Variants in STK25 observed in about 807,000 individuals in gnomAD.
STK25 encodes serine/threonine-protein kinase 25.
Under a neutral mutation model 53.8 loss-of-function variants are expected in STK25, and 29 were observed. The observed-to-expected ratio is 0.54, with a 90% CI of 0.40 to 0.74. The LOEUF (loss-of-function observed/expected upper bound fraction) is 0.74, where lower values mean the gene tolerates loss of function less well. Ranked by LOEUF, STK25 falls within the 30% of genes least tolerant of loss-of-function variation. The probability of loss-of-function intolerance (pLI) is 0.00; values close to 1 mark genes in which losing one functional copy is unlikely to be tolerated. For synonymous variants in STK25, 247 were observed against 238.3 expected, an observed-to-expected ratio of 1.04 and a Z score of -0.33; for missense variants, 420 against 568.0, an observed-to-expected ratio of 0.74 and a Z score of 2.65.
intron 2 of STK25, among the ~76,000 whole-genome samples, chr2:241,506,467 T>C (rs1228917016): frequency 6.6e-6 from 1 of 152,130 alleles, no homozygotes; most frequent in African/African-American, 2.4e-5. Context: ...ATTTCTGCAG[T>C]TCTTAAAAAT....
Position 241,492,979 on chromosome 2 carries a change from G to A in STK25, c.*2683C>T, listed in dbSNP as rs750059266. 1.2e-6 allele frequency: 2 copies of A among 1,613,282 alleles called. No individual in the cohort carries two copies. The highest frequency in any genetic ancestry group is 1.7e-6 in the Non-Finnish European group (2 of 1,179,248). On this transcript the variant is annotated 3_prime_UTR_variant, in exon 12 of 12. Transcript: ENST00000316586. ...GAAAGTTCAAAAACAGTCATGGCTG[G>A]CAGAAGCTCTGGGTCGTCTTTACCA...
At position 241,500,162 on chromosome 2, in the gene STK25, C is replaced by A. The variant is rs753362413; in HGVS notation, c.427+11G>T. 1 of 1,610,704 alleles carries A rather than the reference C, an allele frequency of 6.2e-7. No individual in the cohort carries two copies. Among genetic ancestry groups the A allele is most frequent in the East Asian group, 2.2e-5 (1 of 44,854 alleles). On this transcript the variant is annotated intron_variant, in intron 5 of 11. Transcript: ENST00000316586. ...GGACGTTACAAGAGCCACATCCACC[C>A]CCAGCAGGACCTTTGATGTCTCGGT...
At chr2:241,505,116 G>A (rs933964087) in intron 2 of STK25, among the ~76,000 whole-genome samples, 22 of 151,488 alleles carry the variant, frequency 1.5e-4, no homozygotes, top group African/African-American at 5.3e-4. Flanking sequence ...GTAGAGACAG[G>A]GTTTCACCAT....
intron 5 of STK25, 183 bp downstream of exon 5, chr2:241,499,990 C>T (rs771283610): frequency 2.7e-5 from 19 of 691,954 alleles, no homozygotes; most frequent in African/African-American, 7.0e-5. Flanking sequence ...ACAAGGAAAC[C>T]GTTACAAGTA....
chr2:241,508,523 C>T lies in STK25; in HGVS notation c.-181G>A, dbSNP rs979726418. On this transcript the variant is annotated 5_prime_UTR_variant, in exon 1 of 12. Coordinates refer to ENST00000316586, the MANE Select transcript of STK25 (RefSeq NM_001271977.2). ...CTCCCACCCGCAGCCTCTGTTCGCCCGGGGACCCCGGGCCTCCCAGCCCGC... is the reference window on the plus strand; with the variant it reads ...CTCCCACCCGCAGCCTCTGTTCGCCTGGGGACCCCGGGCCTCCCAGCCCGC... 9.9e-7 allele frequency: 1 copy of T among 1,007,972 alleles called. No individual in the cohort carries two copies. Among genetic ancestry groups the T allele is most frequent in the African/African-American group, 1.7e-5 (1 of 57,470 alleles). The allele number at this position is 1,007,972 out of a possible 1,614,324, so 62.4% of individuals were successfully genotyped here. A position where few individuals can be genotyped will look rare whatever the true frequency, so the allele number is the denominator to read the frequency against.
chr2:241,503,865 CT>C (rs1452400824), intron 2 of STK25, among the ~76,000 whole-genome samples: 4 of 152,110 alleles, frequency 2.6e-5, no homozygotes, highest in African/African-American at 9.7e-5. Flanking sequence ...CACTCACCCC[CT>C]GGACACCTGT....
At chr2:241,507,877 T>G in intron 2 of STK25, 129 bp downstream of exon 2, 3 of 967,584 alleles carry the variant, frequency 3.1e-6, no homozygotes, top group Middle Eastern at 2.6e-4. Flanking sequence ...GCTCCGCTGG[T>G]CGCACGACGC....
rs2124937632 is a variant in STK25, at chr2:241,495,541, G to A, written c.*121C>T. On this transcript the variant is annotated 3_prime_UTR_variant, in exon 12 of 12. Transcript: ENST00000316586. ...GTGACCTGGCATGTGAGGCCCACGG[G>A]ATCCGACGTGTCCCTGCAGGCACGA... 9.3e-7 allele frequency: 1 copy of A among 1,072,150 alleles called. No individual in the cohort carries two copies. 66.4% of individuals were successfully genotyped at this position (1,072,150 alleles called of 1,614,324 possible). A position where few individuals can be genotyped will look rare whatever the true frequency, so the allele number is the denominator to read the frequency against.
intron 5 of STK25, 114 bp from the exon 6 acceptor site, chr2:241,499,528 G>T: frequency 7.3e-7 from 1 of 1,372,714 alleles, no homozygotes; most frequent in Non-Finnish European, 9.8e-7. Context: ...CAGCAGGGCT[G>T]TCCTCAGGAC....
chr2:241,502,753 A>AT (rs957672504), intron 2 of STK25, among the ~76,000 whole-genome samples: 3 of 151,944 alleles, frequency 2.0e-5, no homozygotes, highest in African/African-American at 7.3e-5. Context: ...AAAATAAAAA[A>AT]TTTAAAAAAA....
intron 9 of STK25, 38 bp from the exon 10 acceptor site, chr2:241,497,725 G>A: frequency 1.3e-6 from 2 of 1,597,820 alleles, no homozygotes; most frequent in Non-Finnish European, 1.7e-6. Flanking sequence ...GCAGGGCAGT[G>A]CAGGTGACAG....
chr2:241,498,591 C>A, intron 8 of STK25, 48 bp downstream of exon 8: 1 of 1,576,660 alleles, frequency 6.3e-7, no homozygotes, highest in Non-Finnish European at 8.6e-7. Flanking sequence ...TGGGGACCAC[C>A]CACGTCACAG....
chr2:241,493,612 G>A lies in STK25; in HGVS notation c.*2050C>T. 1 of 536,882 alleles carries A rather than the reference G, an allele frequency of 1.9e-6. No homozygotes were observed. Among genetic ancestry groups the A allele is most frequent in the Non-Finnish European group, 3.2e-6 (1 of 307,876 alleles). The allele number at this position is 536,882 out of a possible 1,614,324, so 33.3% of individuals were successfully genotyped here. ...GCAATGCTTTGTTTTTTTTTTTTTT[G>A]GAGATGGCGTCTCCCTCTGTCACTC... On this transcript the variant is annotated 3_prime_UTR_variant, in exon 12 of 12. Transcript: ENST00000316586.
rs1431781368 is a variant in STK25 at position 241,494,315 on chromosome 2, A to G, written c.*1347T>C. 2.5e-6 allele frequency: 1 copy of G among 397,930 alleles called. No homozygotes were observed. The highest frequency in any genetic ancestry group is 2.1e-5 in the African/African-American group (1 of 48,142). The allele number at this position is 397,930 out of a possible 1,614,324, so 24.6% of individuals were successfully genotyped here. On this transcript the variant is annotated 3_prime_UTR_variant, in exon 12 of 12. Transcript: ENST00000316586. The surrounding 1 kb of genome is among the most constrained non-coding windows in gnomAD (Gnocchi z 4.9). ...CATCCCCCCACCCAGGACCTAGTGC[A>G]TGCCAGCAGCTATCTGGGGCCCTGG...
intron 9 of STK25, among the ~76,000 whole-genome samples, 159 bp from the exon 10 acceptor site, chr2:241,497,846 A>C (rs1201794942): frequency 6.6e-6 from 1 of 150,560 alleles, no homozygotes; most frequent in East Asian, 1.9e-4. Flanking sequence ...AGCCACCCGG[A>C]TGGCCTGACT....
chr2:241,504,224 G>A (rs1031509231), intron 2 of STK25: 1 of 434,694 alleles, frequency 2.3e-6, no homozygotes, highest in African/African-American at 2.0e-5. Flanking sequence ...CAGCTGCAGT[G>A]TACACACAGA....
At position 241,493,295 on chromosome 2, in the gene STK25, T is replaced by A; in HGVS notation, c.*2367A>T. The A allele has an allele frequency of 6.2e-7, 1 of 1,613,562 alleles. No homozygotes were observed. Among genetic ancestry groups the A allele is most frequent in the South Asian group, 1.1e-5 (1 of 91,068 alleles). ...CGTGTCCCTATGCTGTCTTGCAGGA[T>A]GACTACCCACTGGCCAGCCTCCCGC... On this transcript the variant is annotated 3_prime_UTR_variant, in exon 12 of 12. Coordinates refer to ENST00000316586, the MANE Select transcript of STK25 (RefSeq NM_001271977.2).
rs1283424707 is a variant in STK25 at position 241,496,968 on chromosome 2, C to G, written c.1105-434G>C. On this transcript the variant is annotated intron_variant, in intron 10 of 11. Coordinates refer to ENST00000316586, the MANE Select transcript of STK25 (RefSeq NM_001271977.2). This position sits in a 1 kb window ranked among gnomAD's most constrained non-coding sequence, Gnocchi z 5.8. ...GAGCCTCCTGTCACCGGGTGTCACC[C>G]ACCCTCGGGGGGCTGTGGCTGGATC... 6.6e-6 allele frequency among the ~76,000 whole-genome samples: 1 copy of G among 152,258 alleles called. No individual in the cohort carries two copies. Among genetic ancestry groups the G allele is most frequent in the Non-Finnish European group, 1.5e-5 (1 of 68,044 alleles).
chr2:241,500,356 C>T, intron 4 of STK25, 75 bp from the exon 5 acceptor site: 1 of 1,032,954 alleles, frequency 9.7e-7, no homozygotes, highest in Non-Finnish European at 1.5e-6. Flanking sequence ...GCCTCTCTCA[C>T]AGGGAAGGGC....
Sources: gnomAD v4.1 joint callset for allele counts (sites outside exome capture counted in the v4.1 genomes callset) on GRCh38, gnomAD v4.1.1 for gene constraint, Gnocchi (gnomAD v3.1) non-coding constraint, MANE v1.5 for transcripts, NCBI Gene and HGNC (gene_info 2026-07-23, HGNC 2026-07-21) for gene names.